The following DZANK1 variants were observed in gnomAD, a reference collection of about 807,000 sequenced individuals.
DZANK1 encodes double zinc ribbon and ankyrin repeat domains 1, also known as double zinc ribbon and ankyrin repeat-containing protein 1.
Under a neutral mutation model 94.5 loss-of-function variants are expected in DZANK1, and 91 were observed. The ratio of observed to expected loss-of-function variants is 0.96; its 90% confidence interval spans 0.81 to 1.15. The LOEUF is 1.15. Ranked by LOEUF, DZANK1 falls within the 50% of genes most tolerant of loss-of-function variation. The pLI, the probability that DZANK1 is intolerant of heterozygous loss-of-function variation, is 0.00. For synonymous variants in DZANK1, 312 were observed against 325.3 expected, an observed-to-expected ratio of 0.96 and a Z score of 0.44; for missense variants, 903 against 916.4, an observed-to-expected ratio of 0.99 and a Z score of 0.19.
chr20:18,390,630 A>C (rs529033127), intron 17 of DZANK1, among the ~76,000 whole-genome samples, 171 bp from the exon 18 acceptor site: 12 of 152,214 alleles, frequency 7.9e-5, no homozygotes, highest in Non-Finnish European at 1.5e-4. Context: ...ATCCACATCT[A>C]ATATCAATCT....
chr20:18,443,836 T>C (rs2058790937), intron 7 of DZANK1, among the ~76,000 whole-genome samples: 2 of 152,160 alleles, frequency 1.3e-5, no homozygotes, highest in Admixed American at 1.3e-4. Context: ...TTTTACATTA[T>C]GCTTTTCTGA....
intron 13 of DZANK1, 126 bp downstream of exon 13, chr20:18,412,520 G>C (rs754061549): frequency 1.0e-6 from 1 of 990,608 alleles, no homozygotes; most frequent in Non-Finnish European, 1.5e-6. Flanking sequence ...ACTTGAAAAA[G>C]AGGAAAAGAA....
At chr20:18,417,034 CA>C (rs55889297) in intron 10 of DZANK1, among the ~76,000 whole-genome samples, 82 of 139,914 alleles carry the variant, frequency 5.9e-4, no homozygotes, top group South Asian at 1.1e-3. Context: ...CAAAAAAAAA[CA>C]AAAAAAAAAA....
intron 18 of DZANK1, 48 bp downstream of exon 18, chr20:18,390,331 T>A (rs758094702): frequency 6.4e-7 from 1 of 1,555,746 alleles, no homozygotes. Flanking sequence ...AGAGGTGGAA[T>A]GCCAGGCTGA....
intron 17 of DZANK1, among the ~76,000 whole-genome samples, chr20:18,391,638 A>G (rs2055992724): frequency 6.6e-6 from 1 of 152,222 alleles, no homozygotes; most frequent in South Asian, 2.1e-4. Flanking sequence ...AGCAAGAGAC[A>G]TTGCTTTTAG....
At chr20:18,431,006 T>G (rs576206707) in intron 9 of DZANK1, among the ~76,000 whole-genome samples, 3 of 152,074 alleles carry the variant, frequency 2.0e-5, no homozygotes, top group Non-Finnish European at 4.4e-5. Flanking sequence ...AAAAGGACAC[T>G]CTAAGCTGCT....
chr20:18,407,991 G>T (rs1157267321), intron 13 of DZANK1, among the ~76,000 whole-genome samples: 4 of 152,208 alleles, frequency 2.6e-5, no homozygotes, highest in Non-Finnish European at 4.4e-5. Context: ...AGGAGGTAGA[G>T]AAAGAAATAG....
intron 15 of DZANK1, among the ~76,000 whole-genome samples, chr20:18,395,596 C>T (rs2424187): frequency 1 from 151,709 of 152,252 alleles, 75,584 homozygotes; most frequent in East Asian, 1. Flanking sequence ...CCCTAGAGGT[C>T]ATGCTCCCTC....
chr20:18,401,029 C>G (rs890134651), intron 13 of DZANK1, among the ~76,000 whole-genome samples: 1 of 151,962 alleles, frequency 6.6e-6, no homozygotes, highest in Non-Finnish European at 1.5e-5. Flanking sequence ...CTCCGCCTCC[C>G]GGGTTCAAGC....
exon 11 of DZANK1, chr20:18,415,377 C>A (rs1452985256): frequency 6.3e-7 from 1 of 1,595,630 alleles, no homozygotes; most frequent in Non-Finnish European, 8.5e-7. Flanking sequence ...TTCCAGCGAC[C>A]ACATCTGTAG....
In DZANK1 at chr20:18,419,615, CAA is replaced by C. The variant is rs146629043; in HGVS notation, c.955-4168_955-4167del. Among the ~76,000 whole-genome samples, 548 of 152,166 alleles carry C rather than the reference CAA, an allele frequency of 3.6e-3. 3 individuals are homozygous for C. The highest frequency in any genetic ancestry group is 0.012 in the African/African-American group (510 of 41,522). On this transcript the variant is annotated intron_variant, in intron 10 of 20. Coordinates refer to ENST00000262547, the Ensembl canonical transcript of DZANK1. ...ACTTTTGAGCAGAAAGCATGGAGGC[CAA>C]AAGAGTGTGGAACAGCTTTAAAGTT...
chr20:18,450,935 C>CTTTTAT (rs1308650104), intron 6 of DZANK1, among the ~76,000 whole-genome samples: 2 of 151,918 alleles, frequency 1.3e-5, no homozygotes, highest in African/African-American at 4.8e-5. Flanking sequence ...ACTGATATGC[C>CTTTTAT]TTTTATTTTT....
At chr20:18,451,979 AT>A (rs1438471429) in intron 6 of DZANK1, 1 of 514,862 alleles carries the variant, frequency 1.9e-6, no homozygotes, top group Non-Finnish European at 3.9e-6. Flanking sequence ...AACAGATACC[AT>A]TTACAATTAG....
exon 14 of DZANK1, chr20:18,398,542 G>C (rs1276315584): frequency 1.2e-6 from 2 of 1,613,936 alleles, no homozygotes; most frequent in Admixed American, 3.3e-5. Flanking sequence ...CCTGGGTTCT[G>C]CAATCAAGGC....
At chr20:18,399,548 T>C (rs1464602640) in intron 13 of DZANK1, among the ~76,000 whole-genome samples, 1 of 152,174 alleles carries the variant, frequency 6.6e-6, no homozygotes, top group Non-Finnish European at 1.5e-5. Context: ...ATATTTTAAA[T>C]GTACCATTTG....
chr20:18,418,464 C>T (rs1302142378), intron 10 of DZANK1, among the ~76,000 whole-genome samples: 1 of 152,114 alleles, frequency 6.6e-6, no homozygotes, highest in Non-Finnish European at 1.5e-5. Flanking sequence ...GAATGGAGAC[C>T]AAACTTTCTG....
At chr20:18,457,229 C>T (rs2059321641) in intron 3 of DZANK1, among the ~76,000 whole-genome samples, 2 of 152,170 alleles carry the variant, frequency 1.3e-5, no homozygotes, top group African/African-American at 4.8e-5. Context: ...AATCCCAGCA[C>T]TTTGGGAGGC....
intron 14 of DZANK1, 110 bp from the exon 15 acceptor site, chr20:18,396,656 T>A: frequency 1.4e-6 from 1 of 696,320 alleles, no homozygotes. Flanking sequence ...ACCAAATATT[T>A]AATTAACACA....
At chr20:18,427,606 G>GGTGTGTGTGTGTGT (rs11474236) in intron 9 of DZANK1, among the ~76,000 whole-genome samples, 82 of 148,786 alleles carry the variant, frequency 5.5e-4, no homozygotes, top group South Asian at 3.0e-3. Context: ...TGTAAGGTTG[G>GGTGTGTGTGTGTGT]GTGTGTGTGT....
Sources: gnomAD v4.1 joint callset for allele counts (sites outside exome capture counted in the v4.1 genomes callset) on GRCh38, gnomAD v4.1.1 for gene constraint, MANE v1.5 for transcripts, NCBI Gene and HGNC (gene_info 2026-07-23, HGNC 2026-07-21) for gene names.